The following EYS variants were observed in gnomAD, a reference collection of about 807,000 sequenced individuals.
EYS encodes protein eyes shut homolog.
In EYS, 250 loss-of-function variants were observed where a neutral mutation model predicts 282.1. That is an observed-to-expected ratio of 0.89 (90% CI 0.80 to 0.98). The LOEUF (loss-of-function observed/expected upper bound fraction) is 0.98, where lower values mean the gene tolerates loss of function less well. EYS is among the 50% of genes least tolerant of loss of function. EYS has a pLI of 0.00. For missense variants in EYS, 4,016 were observed against 3,709.0 expected (o/e 1.08, Z -2.15); for synonymous variants, 1,355 against 1,282.9 (o/e 1.06, Z -1.20).
chr6:63,936,883 G>C (rs981856509), intron 35 of EYS, among the ~76,000 whole-genome samples: 2 of 152,178 alleles, frequency 1.3e-5, no homozygotes, highest in Non-Finnish European at 2.9e-5. Flanking sequence ...CAAATAAGTT[G>C]CAAACTAGGA....
intron 2 of EYS, among the ~76,000 whole-genome samples, chr6:65,529,707 A>C (rs1767691222): frequency 6.6e-6 from 1 of 152,196 alleles, no homozygotes; most frequent in Admixed American, 6.5e-5. Context: ...GAAGGTATTA[A>C]GTGTTGGGCC....
chr6:65,019,409 G>A (rs1171450470), intron 13 of EYS, among the ~76,000 whole-genome samples: 1 of 152,040 alleles, frequency 6.6e-6, no homozygotes. Context: ...TAACAATGTG[G>A]ACACAACATT....
chr6:64,704,258 G>A (rs921993394), intron 22 of EYS, among the ~76,000 whole-genome samples: 1 of 148,668 alleles, frequency 6.7e-6, no homozygotes, highest in Non-Finnish European at 1.5e-5. Flanking sequence ...TCTGTACTTT[G>A]TTTAATTTTA....
chr6:65,044,344 C>A (rs538515583), intron 13 of EYS, among the ~76,000 whole-genome samples: 1 of 151,756 alleles, frequency 6.6e-6, no homozygotes, highest in South Asian at 2.1e-4. Flanking sequence ...GGGTTGTCCT[C>A]ATTTTGTTTG....
chr6:64,031,767 T>A (rs1769854495), intron 33 of EYS, among the ~76,000 whole-genome samples: 1 of 152,096 alleles, frequency 6.6e-6, no homozygotes, highest in African/African-American at 2.4e-5. Flanking sequence ...GCTAATCTGG[T>A]GGGGACGTGG....
chr6:65,069,827 G>C (rs1773855082), intron 12 of EYS, among the ~76,000 whole-genome samples: 1 of 151,828 alleles, frequency 6.6e-6, no homozygotes, highest in Non-Finnish European at 1.5e-5. Context: ...AACAGCTATT[G>C]AAAGGTTAAT....
chr6:64,093,330 T>G (rs1446984798), intron 31 of EYS, among the ~76,000 whole-genome samples: 1 of 152,210 alleles, frequency 6.6e-6, no homozygotes, highest in African/African-American at 2.4e-5. Context: ...ATTGAATCTA[T>G]AAATTACCTC....
intron 12 of EYS, among the ~76,000 whole-genome samples, chr6:65,096,786 G>T (rs1774751695): frequency 6.6e-6 from 1 of 150,948 alleles, no homozygotes. Context: ...TGAGAAACTG[G>T]ATATTTACAT....
At chr6:64,493,975 T>C (rs1250393354) in intron 26 of EYS, among the ~76,000 whole-genome samples, 1 of 151,630 alleles carries the variant, frequency 6.6e-6, no homozygotes, top group African/African-American at 2.4e-5. Context: ...TAAGGGGTCC[T>C]GAAGGAAGGT....
At chr6:65,581,057 G>A (rs1221042481) in intron 2 of EYS, among the ~76,000 whole-genome samples, 1 of 151,964 alleles carries the variant, frequency 6.6e-6, no homozygotes, top group African/African-American at 2.4e-5. Context: ...TCTCATAATG[G>A]ATCTCTTAAG....
At chr6:64,121,368 G>A (rs1205127083) in intron 31 of EYS, among the ~76,000 whole-genome samples, 1 of 152,148 alleles carries the variant, frequency 6.6e-6, no homozygotes, top group African/African-American at 2.4e-5. Context: ...TGACCACAGT[G>A]ATATACATAT....
chr6:64,992,694 T>G (rs921695393), intron 14 of EYS, among the ~76,000 whole-genome samples: 1 of 151,982 alleles, frequency 6.6e-6, no homozygotes, highest in Admixed American at 6.6e-5. Context: ...TTTTGAGAAT[T>G]CTGGAACTCC....
chr6:65,219,610 A>C (rs768016529), intron 12 of EYS, among the ~76,000 whole-genome samples: 9 of 152,288 alleles, frequency 5.9e-5, no homozygotes, highest in Middle Eastern at 3.4e-3. Flanking sequence ...CTTTGTTTAC[A>C]TCTGTTTCTG....
At chr6:65,275,763 C>T (rs78640232) in intron 12 of EYS, among the ~76,000 whole-genome samples, 11,742 of 152,122 alleles carry the variant, frequency 0.077, 491 homozygotes, top group South Asian at 0.16. Context: ...TGGCACCATT[C>T]CCCAGGGTGA....
chr6:65,174,393 G>T (rs1290837928), intron 12 of EYS, among the ~76,000 whole-genome samples: 1 of 151,220 alleles, frequency 6.6e-6, no homozygotes, highest in Non-Finnish European at 1.5e-5. Context: ...AAAAATATTT[G>T]TAATTTCTCT....
chr6:65,152,306 T>A (rs1764631976), intron 12 of EYS, among the ~76,000 whole-genome samples: 1 of 152,060 alleles, frequency 6.6e-6, no homozygotes, highest in South Asian at 2.1e-4. Context: ...ATGAGAGGAA[T>A]TTTGTCCACC....
At chr6:64,451,804 G>C (rs982582971) in intron 26 of EYS, among the ~76,000 whole-genome samples, 8 of 151,928 alleles carry the variant, frequency 5.3e-5, no homozygotes, top group African/African-American at 1.2e-4. Context: ...TGACAAAATT[G>C]AACAACCTTC....
At chr6:63,756,614 T>C (rs956064540) in intron 41 of EYS, among the ~76,000 whole-genome samples, 1 of 152,180 alleles carries the variant, frequency 6.6e-6, no homozygotes, top group African/African-American at 2.4e-5. Context: ...TGCCAGGCTT[T>C]GGTATCAGGA....
chr6:64,147,586 G>C (rs114250772), intron 31 of EYS, among the ~76,000 whole-genome samples: 3,062 of 152,214 alleles, frequency 0.02, 81 homozygotes, highest in African/African-American at 0.061. Flanking sequence ...GAGGCTAATG[G>C]CTATGTTAGA....
Sources: allele counts gnomAD v4.1 joint callset (sites outside exome capture counted in the v4.1 genomes callset), GRCh38; gene constraint gnomAD v4.1.1; transcripts MANE v1.5; gene names NCBI Gene and HGNC (gene_info 2026-07-23, HGNC 2026-07-21).